ESPNL: variants seen among roughly 807,000 people sequenced by gnomAD.
ESPNL encodes espin-like protein.
Under a neutral mutation model 46.8 loss-of-function variants are expected in ESPNL, and 49 were observed. That is an observed-to-expected ratio of 1.05 (90% CI 0.83 to 1.33). ESPNL has a LOEUF of 1.33. Among genes scored for constraint, ESPNL ranks in the 40% most tolerant of loss-of-function variants. The pLI is 0.00. For synonymous variants in ESPNL, 664 were observed against 662.1 expected (o/e 1.00, Z -0.04); for missense variants, 1,540 against 1,436.6 (o/e 1.07, Z -1.16).
At position 238,131,573 on chromosome 2, in the gene ESPNL, C is replaced by T. The variant is rs750687420; in HGVS notation, c.2859C>T (p.His953=). 37 of 1,610,902 alleles carry T rather than the reference C, an allele frequency of 2.3e-5. No individual in the cohort carries two copies. In the East Asian group the frequency reaches 3.3e-4, roughly 15 times the overall value. The part of the protein sequence containing the change: ...SGLTLLGPLP[H]AAVPCSGPEP... ...TGACCCTGCTCGGGCCCCTGCCTCA[C>T]GCCGCCGTCCCCTGCAGCGGCCCTG... The change falls in exon 9 of 9, where the codon CAC becomes CAT. Residue 953 remains histidine (H), a synonymous_variant. Coordinates refer to ENST00000343063, the MANE Select transcript of ESPNL (RefSeq NM_194312.4).
At chr2:238,118,848 AG>A (rs1559263620) in intron 5 of ESPNL, among the ~76,000 whole-genome samples, 53 of 129,680 alleles carry the variant, frequency 4.1e-4, no homozygotes, top group African/African-American at 7.8e-4. Flanking sequence ...TGGAAGGAAG[AG>A]GGTGGATGGA....
intron 7 of ESPNL, 140 bp downstream of exon 7, chr2:238,127,874 G>A (rs568093433): frequency 3.1e-6 from 2 of 642,140 alleles, no homozygotes; most frequent in Non-Finnish European, 5.3e-6. Context: ...GCGTCACTCC[G>A]CTGCTCTCGA....
chr2:238,103,143 C>T (rs1036770285), intron 2 of ESPNL, among the ~76,000 whole-genome samples: 1 of 152,196 alleles, frequency 6.6e-6, no homozygotes, highest in Non-Finnish European at 1.5e-5. Context: ...GAGACTTGGG[C>T]CGAGCACAGT....
chr2:238,104,808 C>A lies in ESPNL; in HGVS notation c.638C>A (p.Ala213Asp), dbSNP rs376798619. Residue 213 changes from alanine to aspartate, a missense_variant, in exon 3 of 9, where the codon GCC (alanine) becomes GAC (aspartate). Ala to Asp is a moderately radical substitution (Grantham distance 126). Coordinates refer to ENST00000343063, the MANE Select transcript of ESPNL (RefSeq NM_194312.4). ...GGCATGAGCGCCCTGCACGCTGCCG[C>A]CGCCCGTGGCCACTACTCCCTCGTC... is the stretch of plus-strand genomic sequence containing the variant. ...LDGMSALHAA[A>D]ARGHYSLVVW... 1.3e-6 allele frequency: 2 copies of A among 1,553,262 alleles called. No homozygotes were observed. Among genetic ancestry groups the A allele is most frequent in the Admixed American group, 1.9e-5 (1 of 53,064 alleles).
chr2:238,129,014 G>A lies in ESPNL; in HGVS notation c.1413+110G>A, dbSNP rs1448786802. ...CCAGAACTGAATCCAAGACCCAGGG[G>A]CCCCTCTCCTCTGTGGCCTCAGCTG... On this transcript the variant is annotated intron_variant, in intron 8 of 8. Coordinates refer to ENST00000343063, the MANE Select transcript of ESPNL (RefSeq NM_194312.4). 70 of 1,448,098 alleles carry A rather than the reference G, an allele frequency of 4.8e-5. 1 individual carries two copies. Among genetic ancestry groups the A allele is most frequent in the Middle Eastern group, 2.5e-4 (1 of 3,964 alleles). The allele number at this position is 1,448,098 out of a possible 1,614,324, so 89.7% of individuals were successfully genotyped here.
chr2:238,120,757 C>T (rs1348331977), intron 5 of ESPNL, among the ~76,000 whole-genome samples: 1 of 152,252 alleles, frequency 6.6e-6, no homozygotes, highest in Non-Finnish European at 1.5e-5. Context: ...TGGAGCTGTC[C>T]CCTCTTCAGG....
intron 4 of ESPNL, among the ~76,000 whole-genome samples, chr2:238,111,918 A>G (rs1012297208): frequency 1.3e-5 from 2 of 152,224 alleles, no homozygotes; most frequent in African/African-American, 4.8e-5. Flanking sequence ...TCAATTTGCT[A>G]ACATTTTGTT....
chr2:238,119,708 T>C (rs34219366), intron 5 of ESPNL, among the ~76,000 whole-genome samples: 18,109 of 152,056 alleles, frequency 0.12, 1,306 homozygotes, highest in Non-Finnish European at 0.16. Context: ...CAGGAAGGTG[T>C]TCTGAAATCA....
rs893354522 is a variant in ESPNL, at chr2:238,132,425, G to C, written c.*693G>C. The C allele has an allele frequency of 1.3e-5, 2 of 152,412 alleles. No individual in the cohort carries two copies. The highest frequency in any genetic ancestry group is 2.9e-5 in the Non-Finnish European group (2 of 68,158). The allele number at this position is 152,412 out of a possible 1,614,324, so 9.4% of individuals were successfully genotyped here. On this transcript the variant is annotated 3_prime_UTR_variant, in exon 9 of 9. Transcript: ENST00000343063. Reference sequence around the variant, plus strand: ...CTGGCCTAGTCGTGGGCCCCAGCAAGGCTGGAGAGCAGGGACGTGGGAGTA... The same window carrying C: ...CTGGCCTAGTCGTGGGCCCCAGCAACGCTGGAGAGCAGGGACGTGGGAGTA...
chr2:238,117,175 C>G, intron 5 of ESPNL, 141 bp downstream of exon 5: 1 of 1,224,808 alleles, frequency 8.2e-7, no homozygotes, highest in Non-Finnish European at 1.1e-6. Flanking sequence ...GAGCCAGGAG[C>G]AAGGGCCTGG....
At chr2:238,109,872 G>A (rs62196055) in intron 4 of ESPNL, among the ~76,000 whole-genome samples, 530 of 129,202 alleles carry the variant, frequency 4.1e-3, no homozygotes, top group South Asian at 0.011. Context: ...GATGCCATAC[G>A]TTACCGAGTG....
chr2:238,104,332 A>G (rs1189305595), intron 2 of ESPNL, among the ~76,000 whole-genome samples: 4 of 152,170 alleles, frequency 2.6e-5, no homozygotes, highest in Admixed American at 6.5e-5. Flanking sequence ...GGGAAACCCT[A>G]AGGGAGTCGG....
rs1288790052 is a variant in ESPNL, at chr2:238,131,075, G to T, written c.2361G>T (p.Pro787=). ...EAARSPGPPS[P]PSEGPRLGHL... is the part of the protein sequence containing the mutation. ...CCAGGAGCCCTGGGCCACCCTCCCCGCCCAGCGAGGGCCCCCGGCTGGGCC... is the reference window on the plus strand; with the variant it reads ...CCAGGAGCCCTGGGCCACCCTCCCCTCCCAGCGAGGGCCCCCGGCTGGGCC... Residue 787 remains proline, a synonymous_variant, in exon 9 of 9, where the codon CCG becomes CCT. Transcript: ENST00000343063. 1.9e-6 allele frequency: 3 copies of T among 1,540,382 alleles called. No homozygotes were observed. The highest frequency in any genetic ancestry group is 2.5e-5 in the East Asian group (1 of 40,774).
intron 6 of ESPNL, among the ~76,000 whole-genome samples, chr2:238,126,961 CTG>C (rs553913881): frequency 1.1e-4 from 6 of 53,412 alleles, no homozygotes; most frequent in African/African-American, 3.3e-4. Flanking sequence ...TATTGTGTGT[CTG>C]TGTGTATGTG....
intron 5 of ESPNL, among the ~76,000 whole-genome samples, chr2:238,123,244 T>C (rs1692027804): frequency 1.3e-5 from 2 of 152,176 alleles, no homozygotes; most frequent in African/African-American, 2.4e-5. Context: ...GGCTTTGTGT[T>C]CTTGGTCTTT....
At chr2:238,122,046 C>T (rs368881798) in intron 5 of ESPNL, among the ~76,000 whole-genome samples, 1 of 152,246 alleles carries the variant, frequency 6.6e-6, no homozygotes, top group East Asian at 1.9e-4. Context: ...ATGCAGCCTC[C>T]GCGGTGCTCA....
intron 3 of ESPNL, among the ~76,000 whole-genome samples, chr2:238,107,265 G>T (rs1480971663): frequency 2.0e-5 from 3 of 152,200 alleles, no homozygotes; most frequent in African/African-American, 4.8e-5. Context: ...GGCAGGGCTG[G>T]CCTCAAGTCG....
chr2:238,126,042 TTA>T (rs34101062), intron 6 of ESPNL, among the ~76,000 whole-genome samples: 16,977 of 147,662 alleles, frequency 0.11, 1,132 homozygotes, highest in Non-Finnish European at 0.15. Context: ...GTCTGTGTGA[TTA>T]TGTCTGTGTG....
At chr2:238,125,637 G>A (rs901373199) in intron 6 of ESPNL, among the ~76,000 whole-genome samples, 2 of 152,374 alleles carry the variant, frequency 1.3e-5, no homozygotes, top group Admixed American at 6.5e-5. Context: ...GAGACGGGCC[G>A]GTTGGGCCCA....
Sources: gnomAD v4.1 joint callset for allele counts (sites outside exome capture counted in the v4.1 genomes callset) on GRCh38, gnomAD v4.1.1 for gene constraint, MANE v1.5 for transcripts, NCBI Gene and HGNC (gene_info 2026-07-23, HGNC 2026-07-21) for gene names.